Variants in MAN1A1 observed in about 807,000 individuals in gnomAD.
The protein encoded by MAN1A1 is mannosidase alpha class 1A member 1.
In MAN1A1, 29 loss-of-function variants were observed where a neutral mutation model predicts 70.8. The observed-to-expected ratio is 0.41, with a 90% CI of 0.31 to 0.56. The LOEUF (loss-of-function observed/expected upper bound fraction) is 0.56. Ranked by LOEUF, MAN1A1 falls within the 20% of genes least tolerant of loss-of-function variation. The probability of loss-of-function intolerance (pLI) is 0.29; values close to 1 mark genes in which losing one functional copy is unlikely to be tolerated. For missense variants in MAN1A1, 747 were observed against 841.3 expected (o/e 0.89, Z 1.39); for synonymous variants, 349 against 330.1 (o/e 1.06, Z -0.62).
chr6:119,219,063 C>T (rs1468278109), intron 6 of MAN1A1, among the ~76,000 whole-genome samples: 1 of 152,102 alleles, frequency 6.6e-6, no homozygotes, highest in African/African-American at 2.4e-5. Flanking sequence ...TGTCATTTTG[C>T]TTAAAGCTGC....
intron 5 of MAN1A1, among the ~76,000 whole-genome samples, chr6:119,273,427 T>C (rs1582756045): frequency 6.6e-6 from 1 of 152,194 alleles, no homozygotes; most frequent in East Asian, 1.9e-4. Context: ...GCCCATGCCC[T>C]TGAATAAACA....
At chr6:119,252,161 A>C (rs1775335080) in intron 5 of MAN1A1, among the ~76,000 whole-genome samples, 2 of 152,264 alleles carry the variant, frequency 1.3e-5, no homozygotes, top group Non-Finnish European at 1.5e-5. Flanking sequence ...TTAATAAATA[A>C]ATGAATCAAT....
At chr6:119,191,882 A>G (rs1165973766) in intron 9 of MAN1A1, among the ~76,000 whole-genome samples, 1 of 152,330 alleles carries the variant, frequency 6.6e-6, no homozygotes, top group East Asian at 1.9e-4. Context: ...ATAATCTTCT[A>G]AAGTACAACT....
chr6:119,338,690 C>A (rs1773527246), intron 2 of MAN1A1, among the ~76,000 whole-genome samples: 1 of 152,316 alleles, frequency 6.6e-6, no homozygotes, highest in East Asian at 1.9e-4. Flanking sequence ...GAGGTCAATA[C>A]CTTCCTCAAG....
At chr6:119,322,752 T>TC (rs1363637457) in intron 2 of MAN1A1, among the ~76,000 whole-genome samples, 1 of 152,238 alleles carries the variant, frequency 6.6e-6, no homozygotes, top group East Asian at 1.9e-4. Flanking sequence ...ATAAAACTGT[T>TC]GAGTTTTTTC....
intron 6 of MAN1A1, among the ~76,000 whole-genome samples, chr6:119,210,552 T>C (rs1774020646): frequency 6.6e-6 from 1 of 152,234 alleles, no homozygotes; most frequent in Non-Finnish European, 1.5e-5. Flanking sequence ...ACAGATACAT[T>C]ATTTAAAAAA....
Position 119,252,833 on chromosome 6 carries a change from G to A in MAN1A1, c.898-4479C>T, listed in dbSNP as rs563738783. ...AATAAGTTTTGCAAAGGAGACGAGA[G>A]CCTTGAACATGAGGATCATAGTGGC... On this transcript the variant is annotated intron_variant, in intron 5 of 12. Transcript: ENST00000368468. Among the ~76,000 whole-genome samples, 159 of 152,122 alleles carry A rather than the reference G, an allele frequency of 1.0e-3. 2 individuals carry two copies. The highest frequency in any genetic ancestry group is 3.5e-3 in the African/African-American group (146 of 41,516).
At chr6:119,331,582 T>TATATATATATATATATAC (rs1554216779) in intron 2 of MAN1A1, among the ~76,000 whole-genome samples, 9 of 144,738 alleles carry the variant, frequency 6.2e-5, no homozygotes, top group African/African-American at 7.7e-5. Context: ...TATATATATA[T>TATATATATATATATATAC]ATATATATAT....
intron 5 of MAN1A1, among the ~76,000 whole-genome samples, chr6:119,268,597 T>G (rs1447251112): frequency 6.6e-6 from 1 of 152,142 alleles, no homozygotes; most frequent in East Asian, 1.9e-4. Flanking sequence ...TGTTTTACTT[T>G]TTTTTTTGAG....
chr6:119,207,439 C>T lies in MAN1A1; in HGVS notation c.993-2557G>A, dbSNP rs146651362. On this transcript the variant is annotated intron_variant, in intron 6 of 12. Coordinates refer to ENST00000368468, the MANE Select transcript of MAN1A1 (RefSeq NM_005907.4). ...CTTATGAGATCAACGGTTCTACTGGCTCTTTATAAGTCAGGGAAGGGGTTC... is the reference window on the plus strand; with the variant it reads ...CTTATGAGATCAACGGTTCTACTGGTTCTTTATAAGTCAGGGAAGGGGTTC... 2.1e-4 allele frequency among the ~76,000 whole-genome samples: 32 copies of T among 152,288 alleles called. No individual in the cohort carries two copies. The East Asian group carries it at 5.6e-3, about 27-fold the overall frequency.
At chr6:119,224,450 C>A (rs1006000844) in intron 6 of MAN1A1, among the ~76,000 whole-genome samples, 1 of 152,178 alleles carries the variant, frequency 6.6e-6, no homozygotes, top group Non-Finnish European at 1.5e-5. Flanking sequence ...TAAAAACCAA[C>A]AGCTGGAAAT....
intron 2 of MAN1A1, among the ~76,000 whole-genome samples, chr6:119,311,800 AG>A (rs1318176939): frequency 1.3e-5 from 2 of 152,192 alleles, no homozygotes; most frequent in African/African-American, 4.8e-5. Context: ...GAAGGGCAGT[AG>A]CAGCTCGGTG....
chr6:119,284,561 T>G (rs948488446), intron 5 of MAN1A1, among the ~76,000 whole-genome samples: 1 of 151,872 alleles, frequency 6.6e-6, no homozygotes, highest in African/African-American at 2.4e-5. Context: ...CGTCTTTTTG[T>G]TTTTTTTCCC....
chr6:119,195,980 A>G (rs970406376), intron 8 of MAN1A1, among the ~76,000 whole-genome samples: 14 of 152,238 alleles, frequency 9.2e-5, no homozygotes, highest in African/African-American at 3.1e-4. Flanking sequence ...TGTTATCAAC[A>G]TGATTGTAGG....
In MAN1A1 at chr6:119,290,770, A is replaced by G. The variant is rs771967632; in HGVS notation, c.817-7T>C. 6 of 1,490,692 alleles carry G rather than the reference A, an allele frequency of 4.0e-6. No individual in the cohort carries two copies. In the Admixed American group the frequency reaches 5.4e-5, roughly 13 times the overall value. 92.3% of individuals were successfully genotyped at this position (1,490,692 alleles called of 1,614,324 possible). A position where few individuals can be genotyped will look rare whatever the true frequency, so the allele number is the denominator to read the frequency against. On this transcript the variant is annotated splice_region_variant and splice_polypyrimidine_tract_variant and intron_variant, in intron 4 of 12. Transcript: ENST00000368468. The stretch of plus-strand genomic sequence containing the variant: ...AGACAGAAATTTCAGCATTCTATGG[A>G]AAAAAAAAATTCAAACATGATGATA...
At chr6:119,336,310 TCC>T (rs1773449196) in intron 2 of MAN1A1, among the ~76,000 whole-genome samples, 1 of 152,116 alleles carries the variant, frequency 6.6e-6, no homozygotes. Context: ...CCTCAAGTGA[TCC>T]TCCCTTCGGC....
Position 119,315,490 on chromosome 6 carries a change from A to T in MAN1A1, c.604-8498T>A, listed in dbSNP as rs3798639. ...AAACCCAGTGTTTCCAGTTCTAGCTAAAAAAATTGGATCATATGCATTTAA... is the reference window on the plus strand; with the variant it reads ...AAACCCAGTGTTTCCAGTTCTAGCTTAAAAAATTGGATCATATGCATTTAA... On this transcript the variant is annotated intron_variant, in intron 2 of 12. Transcript: ENST00000368468. Among the ~76,000 whole-genome samples, 896 of 152,272 alleles carry T rather than the reference A, an allele frequency of 5.9e-3. 30 individuals carry two copies. The East Asian group carries it at 0.09, about 15-fold the overall frequency.
In MAN1A1 at chr6:119,349,145, G is replaced by C. The variant is rs1353467724; in HGVS notation, c.-80C>G. The C allele has an allele frequency of 2.4e-6, 3 of 1,251,922 alleles. No homozygotes were observed. The highest frequency in any genetic ancestry group is 3.0e-6 in the Non-Finnish European group (3 of 1,000,678). The allele number at this position is 1,251,922 out of a possible 1,614,324, so 77.6% of individuals were successfully genotyped here. A position where few individuals can be genotyped will look rare whatever the true frequency, so the allele number is the denominator to read the frequency against. Reference sequence around the variant, plus strand: ...GCCGCTGGGAGTCCGCGGCTGCGGGGCTGGGTCCTGCGTAGCCAGGCCGCC... The same window carrying C: ...GCCGCTGGGAGTCCGCGGCTGCGGGCCTGGGTCCTGCGTAGCCAGGCCGCC... On this transcript the variant is annotated 5_prime_UTR_variant, in exon 2 of 13. Coordinates refer to ENST00000368468, the MANE Select transcript of MAN1A1 (RefSeq NM_005907.4).
rs1562235273 is a variant in MAN1A1, at chr6:119,306,887, T to C, written c.700+9A>G. 6.5e-7 allele frequency: 1 copy of C among 1,544,696 alleles called. No homozygotes were observed. Among genetic ancestry groups the C allele is most frequent in the Non-Finnish European group, 8.9e-7 (1 of 1,117,470 alleles). Reference sequence around the variant, plus strand: ...ATCGTCACTAAGAAACCAAAGCACATCTACTCACCAAACAAACTGCTTGAA... The same window carrying C: ...ATCGTCACTAAGAAACCAAAGCACACCTACTCACCAAACAAACTGCTTGAA... On this transcript the variant is annotated intron_variant, in intron 3 of 12. Transcript: ENST00000368468.
Sources: gnomAD v4.1 joint callset for allele counts (sites outside exome capture counted in the v4.1 genomes callset) on GRCh38, gnomAD v4.1.1 for gene constraint, MANE v1.5 for transcripts, NCBI Gene and HGNC (gene_info 2026-07-23, HGNC 2026-07-21) for gene names.